Variants in CNTN3 observed in about 807,000 individuals in gnomAD.
The protein encoded by CNTN3 is contactin-3.
Under a neutral mutation model 119.1 loss-of-function variants are expected in CNTN3, and 60 were observed. The observed-to-expected ratio is 0.50, with a 90% CI of 0.41 to 0.62. The LOEUF (loss-of-function observed/expected upper bound fraction) is 0.62. Among genes scored for constraint, CNTN3 ranks in the 20% least tolerant of loss-of-function variants. The pLI is 0.00. For missense variants in CNTN3, 1,101 were observed against 1,242.4 expected, an observed-to-expected ratio of 0.89 and a Z score of 1.71; for synonymous variants, 450 against 438.7, an observed-to-expected ratio of 1.03 and a Z score of -0.32.
intron 1 of CNTN3, among the ~76,000 whole-genome samples, chr3:74,592,910 T>C (rs1704729948): frequency 6.6e-6 from 1 of 152,034 alleles, no homozygotes; most frequent in Non-Finnish European, 1.5e-5. Context: ...CAGCAACTGC[T>C]GCCTTTAATC....
At chr3:74,485,428 G>A (rs903396618) in intron 4 of CNTN3, among the ~76,000 whole-genome samples, 10 of 151,952 alleles carry the variant, frequency 6.6e-5, no homozygotes, top group African/African-American at 2.4e-4. Flanking sequence ...GAAATAAAGA[G>A]AAAACAAAGG....
chr3:74,601,941 C>T (rs1434311492), intron 1 of CNTN3, among the ~76,000 whole-genome samples: 1 of 151,966 alleles, frequency 6.6e-6, no homozygotes, highest in African/African-American at 2.4e-5. Flanking sequence ...ACAATAGAGC[C>T]AGACAGTCCT....
At chr3:74,424,805 C>T in intron 5 of CNTN3, 40 bp downstream of exon 5, 1 of 1,554,402 alleles carries the variant, frequency 6.4e-7, no homozygotes. Flanking sequence ...TTGCCCTGAA[C>T]CTTAATAAAT....
chr3:74,448,482 T>G (rs529592082), intron 4 of CNTN3, among the ~76,000 whole-genome samples: 1 of 152,264 alleles, frequency 6.6e-6, no homozygotes, highest in South Asian at 2.1e-4. Context: ...AGCAAACAAC[T>G]CAGAAATATC....
intron 5 of CNTN3, among the ~76,000 whole-genome samples, chr3:74,407,568 C>T (rs1014543253): frequency 8.6e-5 from 13 of 150,656 alleles, no homozygotes; most frequent in Admixed American, 2.0e-4. Context: ...CCACCGCGCC[C>T]GGCCAAGCCA....
At chr3:74,514,337 C>T (rs7430259) in intron 2 of CNTN3, among the ~76,000 whole-genome samples, 110,594 of 152,042 alleles carry the variant, frequency 0.73, 40,648 homozygotes, top group Middle Eastern at 0.8. Context: ...TTCTAACAAT[C>T]TCTCCATTTC....
chr3:74,454,140 G>T (rs1232813184), intron 4 of CNTN3, among the ~76,000 whole-genome samples: 6 of 124,958 alleles, frequency 4.8e-5, no homozygotes, highest in Non-Finnish European at 1.0e-4. Flanking sequence ...TAATGTGTGG[G>T]AGTCTAAGTC....
chr3:74,361,987 C>G lies in CNTN3; in HGVS notation c.1267G>C (p.Val423Leu), dbSNP rs1372405055. ...NPMKKLVQVQVGSLVSLDCKP... is the reference protein window; with the variant it reads ...NPMKKLVQVQLGSLVSLDCKP... ...CAATCCAAGCTGACCAGGCTGCCCACCTGCACCTGAACCAACTTCTTCATT... is the reference window on the plus strand; with the variant it reads ...CAATCCAAGCTGACCAGGCTGCCCAGCTGCACCTGAACCAACTTCTTCATT... The change falls in exon 11 of 23, where the codon GTG becomes CTG. Residue 423 changes from valine to leucine, a missense_variant. Transcript: ENST00000263665. 1 of 1,613,828 alleles carries G rather than the reference C, an allele frequency of 6.2e-7. No individual in the cohort carries two copies. The highest frequency in any genetic ancestry group is 1.1e-5 in the South Asian group (1 of 91,066).
intron 14 of CNTN3, among the ~76,000 whole-genome samples, chr3:74,302,176 T>A (rs1702473549): frequency 6.6e-6 from 1 of 152,202 alleles, no homozygotes; most frequent in Non-Finnish European, 1.5e-5. Context: ...TGTATCTCTG[T>A]AGTTCCCAAT....
intron 20 of CNTN3, among the ~76,000 whole-genome samples, chr3:74,279,402 T>C (rs1218438691): frequency 6.6e-6 from 1 of 151,950 alleles, no homozygotes; most frequent in African/African-American, 2.4e-5. Flanking sequence ...CTGTGATATA[T>C]ATATACATAT....
chr3:74,595,403 C>G (rs2106694511), intron 1 of CNTN3, among the ~76,000 whole-genome samples: 1 of 152,080 alleles, frequency 6.6e-6, no homozygotes, highest in East Asian at 1.9e-4. Context: ...CCTAGGTTTT[C>G]TTCTAGGGTT....
At chr3:74,573,239 G>A (rs149329347) in intron 1 of CNTN3, among the ~76,000 whole-genome samples, 8 of 151,872 alleles carry the variant, frequency 5.3e-5, no homozygotes, top group Admixed American at 2.0e-4. Context: ...GGGTGGGAAG[G>A]ACTGGCAAAG....
At chr3:74,563,792 G>A (rs142640799) in intron 1 of CNTN3, among the ~76,000 whole-genome samples, 99 of 152,182 alleles carry the variant, frequency 6.5e-4, no homozygotes, top group African/African-American at 2.3e-3. Flanking sequence ...GAGACACTTC[G>A]TTTTCATGAC....
chr3:74,483,942 C>T (rs532959645), intron 4 of CNTN3, among the ~76,000 whole-genome samples: 1 of 152,162 alleles, frequency 6.6e-6, no homozygotes, highest in South Asian at 2.1e-4. Context: ...TCATACATGT[C>T]GTATTCTTTT....
At chr3:74,289,355 T>C (rs1442222023) in intron 19 of CNTN3, among the ~76,000 whole-genome samples, 2 of 152,230 alleles carry the variant, frequency 1.3e-5, no homozygotes, top group Non-Finnish European at 2.9e-5. Flanking sequence ...TTCTATTTGC[T>C]ACTCTTTACA....
intron 4 of CNTN3, among the ~76,000 whole-genome samples, chr3:74,477,740 A>AC (rs974422897): frequency 2.0e-5 from 3 of 151,974 alleles, no homozygotes; most frequent in Non-Finnish European, 2.9e-5. Flanking sequence ...GTGGGGGAAT[A>AC]CCCCATTCTC....
At chr3:74,537,609 C>A (rs1703784341) in intron 1 of CNTN3, among the ~76,000 whole-genome samples, 1 of 152,022 alleles carries the variant, frequency 6.6e-6, no homozygotes, top group Non-Finnish European at 1.5e-5. Flanking sequence ...CTGAAATCTC[C>A]CCCTTTTGCC....
intron 2 of CNTN3, among the ~76,000 whole-genome samples, chr3:74,504,763 T>TA (rs1221319958): frequency 8.3e-6 from 1 of 120,980 alleles, no homozygotes; most frequent in Non-Finnish European, 1.9e-5. Flanking sequence ...GCTCCAGAGA[T>TA]ACTTTCCACA....
rs754957714 is a variant in CNTN3, at chr3:74,364,457, T to C, written c.1213+10A>G. ...AAAATTAAGAGAAGAGCAGAGAAAA[T>C]CAGCCTTACCAACAACTTTGAGCTC... On this transcript the variant is annotated intron_variant, in intron 10 of 22. Coordinates refer to ENST00000263665, the MANE Select transcript of CNTN3 (RefSeq NM_020872.3). 3.4e-5 allele frequency: 54 copies of C among 1,607,040 alleles called. No individual in the cohort carries two copies. In the East Asian group the frequency reaches 1.2e-3, roughly 36 times the overall value.
Sources: allele counts gnomAD v4.1 joint callset (sites outside exome capture counted in the v4.1 genomes callset), GRCh38; gene constraint gnomAD v4.1.1; transcripts MANE v1.5; gene names NCBI Gene and HGNC (gene_info 2026-07-23, HGNC 2026-07-21).